DNAJC5B: variants seen among roughly 807,000 people sequenced by gnomAD.
The protein encoded by DNAJC5B is DnaJ heat shock protein family (Hsp40) member C5 beta.
Under a neutral mutation model 24.7 loss-of-function variants are expected in DNAJC5B, and 23 were observed. The ratio of observed to expected loss-of-function variants is 0.93; its 90% CI spans 0.67 to 1.32. The LOEUF (loss-of-function observed/expected upper bound fraction) is 1.32. Ranked by LOEUF, DNAJC5B falls within the 40% of genes most tolerant of loss-of-function variation. DNAJC5B has a pLI of 0.00. For synonymous variants in DNAJC5B, 101 were observed against 90.1 expected (o/e 1.12, Z -0.68); for missense variants, 238 against 240.8 (o/e 0.99, Z 0.08).
chr8:66,028,708 C>T (rs1339417235), intron 1 of DNAJC5B, among the ~76,000 whole-genome samples: 1 of 152,164 alleles, frequency 6.6e-6, no homozygotes, highest in African/African-American at 2.4e-5. Context: ...GAACCCATCA[C>T]CTCAGCCAGT....
intron 5 of DNAJC5B, among the ~76,000 whole-genome samples, chr8:66,086,461 C>T (rs1000060545): frequency 3.3e-5 from 5 of 152,112 alleles, no homozygotes; most frequent in Non-Finnish European, 7.3e-5. Flanking sequence ...ATCAGGATTT[C>T]AAGTTTGATG....
intron 2 of DNAJC5B, among the ~76,000 whole-genome samples, chr8:66,050,576 G>T (rs1806823865): frequency 6.6e-6 from 1 of 152,100 alleles, no homozygotes; most frequent in African/African-American, 2.4e-5. Context: ...GTCTGGCTTG[G>T]GTCAGGTACT....
At chr8:66,090,669 G>A (rs1051509125) in intron 5 of DNAJC5B, among the ~76,000 whole-genome samples, 1 of 151,814 alleles carries the variant, frequency 6.6e-6, no homozygotes, top group African/African-American at 2.4e-5. Flanking sequence ...GAGATGAAGA[G>A]GCCATATGGC....
At chr8:66,065,395 A>G (rs2128961933) in intron 3 of DNAJC5B, among the ~76,000 whole-genome samples, 1 of 152,302 alleles carries the variant, frequency 6.6e-6, no homozygotes, top group South Asian at 2.1e-4. Context: ...ATCATGTACT[A>G]TGGTAGCAGG....
intron 3 of DNAJC5B, among the ~76,000 whole-genome samples, chr8:66,071,405 C>T (rs762457798): frequency 1.3e-4 from 19 of 151,914 alleles, no homozygotes; most frequent in African/African-American, 4.1e-4. Flanking sequence ...TGAACAGACA[C>T]TTCTCAAAAG....
chr8:66,081,591 C>A (rs1333121494), intron 5 of DNAJC5B, among the ~76,000 whole-genome samples: 2 of 152,100 alleles, frequency 1.3e-5, no homozygotes, highest in Non-Finnish European at 2.9e-5. Flanking sequence ...TAAAGGCTTC[C>A]ACACACCTTT....
chr8:66,083,978 A>G (rs1333226051), intron 5 of DNAJC5B, among the ~76,000 whole-genome samples: 2 of 152,226 alleles, frequency 1.3e-5, no homozygotes, highest in East Asian at 3.8e-4. Context: ...TAGGGCCCCA[A>G]CAGGCCCTTG....
At chr8:66,029,165 C>G (rs955086306) in intron 1 of DNAJC5B, among the ~76,000 whole-genome samples, 1 of 152,214 alleles carries the variant, frequency 6.6e-6, no homozygotes, top group East Asian at 1.9e-4. Flanking sequence ...CTACCTTCAT[C>G]ATTTGTGACA....
intron 3 of DNAJC5B, among the ~76,000 whole-genome samples, chr8:66,060,609 G>A (rs1011610291): frequency 6.6e-6 from 1 of 152,222 alleles, no homozygotes. Context: ...TGCTCAGCAA[G>A]AACTGTGGGT....
At chr8:66,099,409 C>T (rs954442557) in intron 5 of DNAJC5B, among the ~76,000 whole-genome samples, 1 of 152,174 alleles carries the variant, frequency 6.6e-6, no homozygotes, top group East Asian at 1.9e-4. Flanking sequence ...CCATTTTGGG[C>T]ACTAGCTTTA....
chr8:66,060,262 C>T (rs1202705632), intron 3 of DNAJC5B, among the ~76,000 whole-genome samples: 2 of 152,224 alleles, frequency 1.3e-5, no homozygotes, highest in African/African-American at 4.8e-5. Flanking sequence ...TCACACCTGG[C>T]TCTTTCCTAA....
At chr8:66,016,782 G>A (rs967030116), upstream of DNAJC5B, among the ~76,000 whole-genome samples, 2 of 152,180 alleles carry the variant, frequency 1.3e-5, no homozygotes, top group African/African-American at 4.8e-5. Context: ...AAAGAAAAAG[G>A]AGAAGAGACA....
chr8:66,058,127 A>C (rs1483263333), intron 3 of DNAJC5B: 2 of 152,246 alleles, frequency 1.3e-5, no homozygotes, highest in Non-Finnish European at 2.9e-5. Context: ...TATCTTAAAG[A>C]TAATTCCAAG....
intron 3 of DNAJC5B, among the ~76,000 whole-genome samples, chr8:66,070,199 G>A (rs1340152217): frequency 6.6e-6 from 1 of 152,216 alleles, no homozygotes; most frequent in Non-Finnish European, 1.5e-5. Flanking sequence ...AGCAGTGGAA[G>A]TTCTGGCCAG....
At chr8:66,034,211 G>A (rs1586066466) in intron 1 of DNAJC5B, among the ~76,000 whole-genome samples, 1 of 80,396 alleles carries the variant, frequency 1.2e-5, no homozygotes, top group East Asian at 2.2e-4. Flanking sequence ...TGTGTGTGAT[G>A]TAAGTGGGAA....
At position 66,060,927 on chromosome 8, in the gene DNAJC5B, G is replaced by C. The variant is rs143458829; in HGVS notation, c.119+9261G>C. Among the ~76,000 whole-genome samples the C allele has an allele frequency of 4.1e-3, 626 of 152,292 alleles. 16 individuals are homozygous for C. The East Asian group carries it at 0.048, about 12-fold the overall frequency. ...TGTTTTAAATAGGGCCAGGGGAAGG[G>C]GGAGGCTTAATAATGAACACATAAG... On this transcript the variant is annotated intron_variant, in intron 3 of 5. Coordinates refer to ENST00000276570, the MANE Select transcript of DNAJC5B (RefSeq NM_033105.6).
chr8:66,049,335 T>C (rs1453400406), intron 2 of DNAJC5B, among the ~76,000 whole-genome samples: 1 of 152,244 alleles, frequency 6.6e-6, no homozygotes, highest in Admixed American at 6.5e-5. Context: ...TATTCACTCA[T>C]TGCTTACTCA....
chr8:66,049,422 T>C (rs981094203), intron 2 of DNAJC5B, among the ~76,000 whole-genome samples: 1 of 152,240 alleles, frequency 6.6e-6, no homozygotes, highest in African/African-American at 2.4e-5. Flanking sequence ...ATTTTTATCT[T>C]TCACACTACA....
intron 2 of DNAJC5B, among the ~76,000 whole-genome samples, chr8:66,049,552 T>C (rs1806800165): frequency 6.6e-6 from 1 of 152,216 alleles, no homozygotes; most frequent in African/African-American, 2.4e-5. Context: ...AGCCTTGGTG[T>C]GTAGTAGGCT....
Sources: allele counts gnomAD v4.1 joint callset (sites outside exome capture counted in the v4.1 genomes callset), GRCh38; gene constraint gnomAD v4.1.1; transcripts MANE v1.5; gene names NCBI Gene and HGNC (gene_info 2026-07-23, HGNC 2026-07-21).